CRB1: variants seen among roughly 807,000 people sequenced by gnomAD.
CRB1 encodes crumbs cell polarity complex component 1.
In CRB1, 83 loss-of-function variants were observed where a neutral mutation model predicts 120.0. The observed-to-expected ratio is 0.69, with a 90% confidence interval of 0.58 to 0.83. The LOEUF is 0.83. CRB1 is among the 40% of genes least tolerant of loss of function. CRB1 has a pLI of 0.00. For synonymous variants in CRB1, 625 were observed against 612.5 expected, an observed-to-expected ratio of 1.02 and a Z score of -0.30; for missense variants, 1,699 against 1,687.6, an observed-to-expected ratio of 1.01 and a Z score of -0.12.
At chr1:197,445,955 C>T (rs551519443) in intron 11 of CRB1, among the ~76,000 whole-genome samples, 48 of 152,112 alleles carry the variant, frequency 3.2e-4, no homozygotes, top group Middle Eastern at 6.8e-3. Flanking sequence ...TTTGGGAAGC[C>T]GAGGTGGGTG....
At chr1:197,320,926 A>C (rs1445535428) in intron 1 of CRB1, among the ~76,000 whole-genome samples, 2 of 152,142 alleles carry the variant, frequency 1.3e-5, no homozygotes, top group Non-Finnish European at 2.9e-5. Context: ...TTTTCTATTC[A>C]GTTAAGCTGC....
At chr1:197,280,770 TA>T (rs1201400745) in intron 1 of CRB1, among the ~76,000 whole-genome samples, 2 of 151,910 alleles carry the variant, frequency 1.3e-5, no homozygotes, top group African/African-American at 2.4e-5. Context: ...TTCTAGTAGA[TA>T]TTTCACTGTT....
At chr1:197,254,816 C>G in the CRB1 span, among the ~76,000 whole-genome samples, 1 of 151,996 alleles carries the variant, frequency 6.6e-6, no homozygotes, top group Non-Finnish European at 1.5e-5. Context: ...ATTTGTGTTT[C>G]TCCTATAATT....
chr1:197,223,040 A>T, the CRB1 span: 1 of 788,110 alleles, frequency 1.3e-6, no homozygotes, highest in African/African-American at 1.7e-5. Flanking sequence ...GAGGAAGACA[A>T]GGACTATCTT....
chr1:197,438,191 C>T (rs1665252139), intron 9 of CRB1: 1 of 313,206 alleles, frequency 3.2e-6, no homozygotes, highest in Admixed American at 4.4e-5. Flanking sequence ...TATAGAGATG[C>T]AATTTTCCTA....
intron 6 of CRB1, among the ~76,000 whole-genome samples, chr1:197,425,553 G>C (rs1355091903): frequency 6.6e-6 from 1 of 152,146 alleles, no homozygotes; most frequent in East Asian, 1.9e-4. Context: ...ATATCTTGAA[G>C]ACAGTGATCT....
At chr1:197,356,351 T>C (rs143173541) in intron 4 of CRB1, among the ~76,000 whole-genome samples, 7 of 152,350 alleles carry the variant, frequency 4.6e-5, no homozygotes, top group African/African-American at 1.7e-4. Flanking sequence ...ATAATCCAGC[T>C]AAGTCCATGC....
At chr1:197,222,322 CG>C in the CRB1 span, 1 of 717,670 alleles carries the variant, frequency 1.4e-6, no homozygotes. Flanking sequence ...TGGCCTATAC[CG>C]GGAGAGTGAA....
chr1:197,453,548 AG>A (rs1666087899), intron 11 of CRB1, among the ~76,000 whole-genome samples: 2 of 84,262 alleles, frequency 2.4e-5, no homozygotes, highest in African/African-American at 3.7e-5. Flanking sequence ...ATAGAGAGAG[AG>A]ACAGAGAGAG....
At chr1:197,313,898 A>G (rs1571821577) in intron 1 of CRB1, among the ~76,000 whole-genome samples, 1 of 152,228 alleles carries the variant, frequency 6.6e-6, no homozygotes, top group Non-Finnish European at 1.5e-5. Context: ...GAGTGCAAAT[A>G]TCTCAAGTCT....
intron 4 of CRB1, among the ~76,000 whole-genome samples, chr1:197,351,947 G>T (rs1420185317): frequency 6.6e-6 from 1 of 152,134 alleles, no homozygotes; most frequent in Non-Finnish European, 1.5e-5. Flanking sequence ...CTAAGAAAAG[G>T]AGACCATTTC....
intron 1 of CRB1, among the ~76,000 whole-genome samples, chr1:197,298,427 G>GTTTC (rs1656665999): frequency 6.6e-6 from 1 of 152,124 alleles, no homozygotes; most frequent in East Asian, 1.9e-4. Context: ...CGATGAAAAA[G>GTTTC]TGGGGTAAGA....
chr1:197,346,106 G>A (rs1659757676), intron 3 of CRB1, among the ~76,000 whole-genome samples: 1 of 152,140 alleles, frequency 6.6e-6, no homozygotes, highest in Admixed American at 6.5e-5. Context: ...AAACAAGGCT[G>A]AAACTTTGCT....
chr1:197,283,433 A>T (rs538033750), intron 1 of CRB1, among the ~76,000 whole-genome samples: 2 of 151,798 alleles, frequency 1.3e-5, no homozygotes, highest in East Asian at 3.9e-4. Context: ...CCGTTGTATC[A>T]TTCTTATGCC....
In CRB1 at chr1:197,477,675, C is replaced by T; in HGVS notation, c.4017C>T (p.Asp1339=). ...TTCAATCTTTCCAGTTGGCAGATGA[C>T]TTGATCTCCGACATTTTCACCACTA... ...GERCEVDLAD[D]LISDIFTTIG... Residue 1339 remains aspartate, a synonymous_variant, in exon 12 of 12, where the codon GAC becomes GAT. Transcript: ENST00000367400. The T allele has an allele frequency of 6.2e-7, 1 of 1,613,772 alleles. No individual in the cohort carries two copies. The highest frequency in any genetic ancestry group is 8.5e-7 in the Non-Finnish European group (1 of 1,179,756).
At chr1:197,335,877 AT>A (rs1165424954) in intron 2 of CRB1, among the ~76,000 whole-genome samples, 1 of 152,048 alleles carries the variant, frequency 6.6e-6, no homozygotes, top group African/African-American at 2.4e-5. Flanking sequence ...AAGAAGGATC[AT>A]GGATCATGCA....
chr1:197,271,134 G>A (rs1433108457), intron 1 of CRB1, among the ~76,000 whole-genome samples: 2 of 152,088 alleles, frequency 1.3e-5, no homozygotes, highest in Admixed American at 6.6e-5. Flanking sequence ...GGAAGGTCGA[G>A]ACTGCTGTGA....
At chr1:197,370,734 G>T (rs1661326722) in intron 5 of CRB1, among the ~76,000 whole-genome samples, 1 of 152,124 alleles carries the variant, frequency 6.6e-6, no homozygotes, top group Admixed American at 6.6e-5. Context: ...TGAAGTACAT[G>T]TCTTTGAACT....
intron 7 of CRB1, among the ~76,000 whole-genome samples, chr1:197,428,253 C>T (rs183943839): frequency 1.4e-4 from 21 of 152,316 alleles, no homozygotes; most frequent in Admixed American, 4.6e-4. Flanking sequence ...AGGCTTCTCT[C>T]ACCCTCACAG....
Sources: allele counts gnomAD v4.1 joint callset (sites outside exome capture counted in the v4.1 genomes callset), GRCh38; gene constraint gnomAD v4.1.1; transcripts MANE v1.5; gene names NCBI Gene and HGNC (gene_info 2026-07-23, HGNC 2026-07-21).